SMARCC1: variants seen among roughly 807,000 people sequenced by gnomAD.
SMARCC1 encodes SWI/SNF related BAF chromatin remodeling complex subunit C1, also known as SWI/SNF complex subunit SMARCC1.
Under a neutral mutation model 147.4 loss-of-function variants are expected in SMARCC1, and 43 were observed. The ratio of observed to expected loss-of-function variants is 0.29; its 90% confidence interval spans 0.23 to 0.38. SMARCC1 has a LOEUF of 0.38. SMARCC1 is among the 10% of genes least tolerant of loss of function. The pLI is 1.00. For synonymous variants in SMARCC1, 495 were observed against 484.4 expected (o/e 1.02, Z -0.29); for missense variants, 1,119 against 1,381.1 (o/e 0.81, Z 3.01).
chr3:47,679,045 G>A (rs1221342500), intron 15 of SMARCC1, among the ~76,000 whole-genome samples: 1 of 152,112 alleles, frequency 6.6e-6, no homozygotes, highest in Non-Finnish European at 1.5e-5. Context: ...TTGAGATTCT[G>A]TTACAGCAGA....
rs762774696 is a variant in SMARCC1, at chr3:47,778,190, C to CAAAAAAAAAAA, written c.195+3402_195+3412dup. On this transcript the variant is annotated intron_variant, in intron 1 of 27. Transcript: ENST00000254480. ...TGGGCAGAAGAGCGAGACTCCATCT[C>CAAAAAAAAAAA]AAAAAAAAAAAACAAAAAACAAAAA... Among the ~76,000 whole-genome samples, 12 of 53,114 alleles carry CAAAAAAAAAAA rather than the reference C, an allele frequency of 2.3e-4. 2 individuals carry two copies. Among genetic ancestry groups the CAAAAAAAAAAA allele is most frequent in the African/African-American group, 9.4e-4 (10 of 10,598 alleles). The allele number at this position is 53,114 out of a possible 152,430, so 34.8% of individuals were successfully genotyped here.
intron 7 of SMARCC1, among the ~76,000 whole-genome samples, chr3:47,715,856 TCC>T (rs2034149588): frequency 6.6e-6 from 1 of 152,118 alleles, no homozygotes; most frequent in Non-Finnish European, 1.5e-5. Flanking sequence ...CACAGATTGC[TCC>T]CTCACTGTCC....
chr3:47,664,062 AC>A, intron 19 of SMARCC1: 1 of 517,656 alleles, frequency 1.9e-6, no homozygotes, highest in Non-Finnish European at 3.3e-6. Flanking sequence ...GGAGGAAGTG[AC>A]CCTTTGCGTA....
chr3:47,588,248 C>T lies in SMARCC1; in HGVS notation c.3279G>A (p.Pro1093=), dbSNP rs373591059. The T allele has an allele frequency of 2.3e-5, 37 of 1,613,420 alleles. No individual in the cohort carries two copies. The highest frequency in any genetic ancestry group is 1.7e-4 in the Middle Eastern group (1 of 6,060). The part of the protein sequence containing the change: ...PPPPPADGVP[P]PPAPGPPASA... ...AGGCTGGCGGGCCAGGAGCAGGAGG[C>T]GGAGGGACCCCATCTGCAGGTGGTG... The change falls in exon 28 of 28, where the codon CCG becomes CCA. Residue 1093 remains proline, a synonymous_variant. Coordinates refer to ENST00000254480, the MANE Select transcript of SMARCC1 (RefSeq NM_003074.4).
At chr3:47,621,094 G>A (rs542172234) in intron 25 of SMARCC1, among the ~76,000 whole-genome samples, 4 of 152,146 alleles carry the variant, frequency 2.6e-5, no homozygotes, top group Admixed American at 1.3e-4. Context: ...GAGGTCAAGA[G>A]ATAGGGACCA....
At chr3:47,644,640 T>TG (rs1210193132) in intron 21 of SMARCC1, among the ~76,000 whole-genome samples, 1 of 152,092 alleles carries the variant, frequency 6.6e-6, no homozygotes, top group African/African-American at 2.4e-5. Flanking sequence ...CCTGAGTAGC[T>TG]GGGATTACAG....
At chr3:47,642,806 G>A (rs2033066382) in intron 21 of SMARCC1, among the ~76,000 whole-genome samples, 2 of 152,146 alleles carry the variant, frequency 1.3e-5, no homozygotes, top group South Asian at 4.1e-4. Flanking sequence ...AGCAATTTGG[G>A]AGGCAGAGGC....
chr3:47,738,512 C>T (rs1307788040), intron 3 of SMARCC1, among the ~76,000 whole-genome samples: 2 of 151,996 alleles, frequency 1.3e-5, no homozygotes, highest in Admixed American at 6.6e-5. Context: ...GGTGAAACCC[C>T]ATCTCTACTA....
chr3:47,683,382 A>C (rs1324333106), intron 14 of SMARCC1, among the ~76,000 whole-genome samples: 1 of 152,056 alleles, frequency 6.6e-6, no homozygotes, highest in African/African-American at 2.4e-5. Flanking sequence ...GGAAAGTCTC[A>C]ATATTTGAGC....
intron 2 of SMARCC1, among the ~76,000 whole-genome samples, chr3:47,754,581 T>C (rs1350368561): frequency 1.3e-5 from 2 of 152,134 alleles, no homozygotes; most frequent in African/African-American, 2.4e-5. Flanking sequence ...AAAGAACTAT[T>C]ACACTCTACC....
At position 47,778,259 on chromosome 3, in the gene SMARCC1, T is replaced by C. The variant is rs529805699; in HGVS notation, c.195+3344A>G. ...CCTAATTAAGAAATTTTAATTTCTATGTCATAAACAATTAATCTGGTTTTT... is the reference window on the plus strand; with the variant it reads ...CCTAATTAAGAAATTTTAATTTCTACGTCATAAACAATTAATCTGGTTTTT... On this transcript the variant is annotated intron_variant, in intron 1 of 27. Transcript: ENST00000254480. Among the ~76,000 whole-genome samples, 12 of 151,862 alleles carry C rather than the reference T, an allele frequency of 7.9e-5. No individual in the cohort carries two copies. The South Asian group carries it at 2.5e-3, about 32-fold the overall frequency.
At chr3:47,766,117 C>T (rs1361228803) in intron 2 of SMARCC1, among the ~76,000 whole-genome samples, 2 of 152,026 alleles carry the variant, frequency 1.3e-5, no homozygotes, top group Non-Finnish European at 2.9e-5. Context: ...AGCTGTGTCA[C>T]GTAAAAAAGA....
intron 8 of SMARCC1, among the ~76,000 whole-genome samples, chr3:47,713,905 C>G (rs1411548193): frequency 6.6e-6 from 1 of 152,154 alleles, no homozygotes; most frequent in African/African-American, 2.4e-5. Context: ...TTGGATTCTC[C>G]TCAAACATCA....
chr3:47,656,918 TCAA>T lies in SMARCC1; in HGVS notation c.2320+4373_2320+4375del, dbSNP rs529787207. Among the ~76,000 whole-genome samples the T allele has an allele frequency of 2.1e-4, 32 of 151,718 alleles. No individual in the cohort carries two copies. In the South Asian group the frequency reaches 3.1e-3, roughly 15 times the overall value. On this transcript the variant is annotated intron_variant, in intron 21 of 27. Transcript: ENST00000254480. ...CTGGGCAACAGAGTCAGACTCCATC[TCAA>T]CAACAACAACAACAACAACAAAAGT...
chr3:47,746,264 C>T (rs1438065621), intron 2 of SMARCC1: 1 of 275,184 alleles, frequency 3.6e-6, no homozygotes, highest in Non-Finnish European at 6.7e-6. Context: ...GTCTGGGCAA[C>T]ACAGGGAGAT....
chr3:47,772,257 G>A (rs2034923085), intron 2 of SMARCC1, among the ~76,000 whole-genome samples: 1 of 152,090 alleles, frequency 6.6e-6, no homozygotes, highest in African/African-American at 2.4e-5. Context: ...ATATGCGCGT[G>A]GTAGCACATG....
At chr3:47,751,178 G>GT (rs1309545544) in intron 2 of SMARCC1, among the ~76,000 whole-genome samples, 1 of 152,056 alleles carries the variant, frequency 6.6e-6, no homozygotes, top group Admixed American at 6.6e-5. Flanking sequence ...GATTACTAGC[G>GT]TGAGCCACCG....
rs915291740 is a variant in SMARCC1, at chr3:47,708,083, CTTTTTTTTTTTTTTTTT to C, written c.919-1570_919-1554del. On this transcript the variant is annotated intron_variant, in intron 9 of 27. Transcript: ENST00000254480. The stretch of plus-strand genomic sequence containing the variant: ...GTAAATCTGAAGTTGAATTTTTTTT[CTTTTTTTTTTTTTTTTT>C]TTTTTTTTTTTTTTTTTGAGACAGG... 9.3e-3 allele frequency among the ~76,000 whole-genome samples: 598 copies of C among 64,326 alleles called. 2 individuals carry two copies. The highest frequency in any genetic ancestry group is 0.037 in the African/African-American group (566 of 15,112). The allele number at this position is 64,326 out of a possible 152,430, so 42.2% of individuals were successfully genotyped here. A position where few individuals can be genotyped will look rare whatever the true frequency, so the allele number is the denominator to read the frequency against.
chr3:47,694,462 T>C (rs1000858014), intron 11 of SMARCC1, among the ~76,000 whole-genome samples: 2 of 152,112 alleles, frequency 1.3e-5, no homozygotes, highest in South Asian at 2.1e-4. Flanking sequence ...TAGCTGGGCA[T>C]GGTGGTGCGC....
Sources: gnomAD v4.1 joint callset for allele counts (sites outside exome capture counted in the v4.1 genomes callset) on GRCh38, gnomAD v4.1.1 for gene constraint, MANE v1.5 for transcripts, NCBI Gene and HGNC (gene_info 2026-07-23, HGNC 2026-07-21) for gene names.